The following CCDC91 variants were observed in gnomAD, a reference collection of about 807,000 sequenced individuals.
CCDC91 encodes the protein coiled-coil domain containing 91.
CCDC91 carries 48 observed loss-of-function variants against 63.2 expected under a neutral mutation model. That is an observed-to-expected ratio of 0.76 (90% confidence interval 0.60 to 0.97). CCDC91 has a LOEUF of 0.97. Ranked by LOEUF, CCDC91 falls within the 50% of genes least tolerant of loss-of-function variation. CCDC91 has a pLI of 0.00. For synonymous variants in CCDC91, 167 were observed against 165.8 expected, an observed-to-expected ratio of 1.01 and a Z score of -0.06; for missense variants, 500 against 494.6, an observed-to-expected ratio of 1.01 and a Z score of -0.10.
At chr12:28,346,720 A>G (rs1371270489) in intron 6 of CCDC91, among the ~76,000 whole-genome samples, 1 of 152,162 alleles carries the variant, frequency 6.6e-6, no homozygotes, top group Non-Finnish European at 1.5e-5. Context: ...CCCTCCAGGA[A>G]CCTTCATGTG....
At chr12:28,502,966 A>C (rs1035696270) in intron 12 of CCDC91, among the ~76,000 whole-genome samples, 32 of 151,824 alleles carry the variant, frequency 2.1e-4, no homozygotes, top group Non-Finnish European at 4.4e-4. Context: ...GTTAGACCTA[A>C]AACCATAAAA....
intron 6 of CCDC91, among the ~76,000 whole-genome samples, chr12:28,310,662 C>T (rs917585956): frequency 2.6e-5 from 4 of 151,984 alleles, no homozygotes; most frequent in African/African-American, 9.7e-5. Flanking sequence ...GTTTGTATGT[C>T]ACCATACCAT....
chr12:28,197,180 A>G (rs564479719), intron 1 of CCDC91, among the ~76,000 whole-genome samples: 4 of 151,764 alleles, frequency 2.6e-5, no homozygotes, highest in Non-Finnish European at 4.4e-5. Flanking sequence ...TAGGCTATTT[A>G]TTGTAAGAAA....
intron 7 of CCDC91, among the ~76,000 whole-genome samples, 188 bp downstream of exon 7, chr12:28,362,703 CTG>C (rs1943984235): frequency 6.6e-6 from 1 of 152,140 alleles, no homozygotes; most frequent in African/African-American, 2.4e-5. Flanking sequence ...ATATTAGACA[CTG>C]TTCTGAATTT....
At chr12:28,478,388 C>A (rs1414613290) in intron 11 of CCDC91, among the ~76,000 whole-genome samples, 1 of 152,108 alleles carries the variant, frequency 6.6e-6, no homozygotes, top group East Asian at 1.9e-4. Context: ...ACAAGTGGTG[C>A]TGGGAAAACT....
At chr12:28,510,005 A>G (rs1489489024) in intron 12 of CCDC91, among the ~76,000 whole-genome samples, 1 of 151,906 alleles carries the variant, frequency 6.6e-6, no homozygotes, top group Non-Finnish European at 1.5e-5. Flanking sequence ...TCTTGAGAGT[A>G]TGATTATCAG....
intron 1 of CCDC91, among the ~76,000 whole-genome samples, chr12:28,251,156 A>G (rs1472094801): frequency 2.0e-5 from 3 of 152,082 alleles, no homozygotes; most frequent in Non-Finnish European, 4.4e-5. Context: ...TCAGATGGAG[A>G]TTTAGTTGAA....
At chr12:28,203,132 A>C (rs1382009053) in intron 1 of CCDC91, among the ~76,000 whole-genome samples, 1 of 152,176 alleles carries the variant, frequency 6.6e-6, no homozygotes, top group South Asian at 2.1e-4. Flanking sequence ...TGAGCCTTCT[A>C]GTTTTCAAGG....
intron 6 of CCDC91, among the ~76,000 whole-genome samples, chr12:28,330,260 C>T (rs2881859): frequency 0.2 from 29,898 of 152,102 alleles, 3,594 homozygotes; most frequent in East Asian, 0.55. Flanking sequence ...CATTTCTCCA[C>T]ATCCTCTCCA....
At chr12:28,525,752 A>G (rs972720112) in intron 12 of CCDC91, among the ~76,000 whole-genome samples, 10 of 152,122 alleles carry the variant, frequency 6.6e-5, no homozygotes, top group African/African-American at 2.2e-4. Flanking sequence ...TCTTAGGTCT[A>G]TTAGTAATTG....
At chr12:28,334,750 C>A (rs1480066233) in intron 6 of CCDC91, among the ~76,000 whole-genome samples, 1 of 152,080 alleles carries the variant, frequency 6.6e-6, no homozygotes, top group Admixed American at 6.6e-5. Flanking sequence ...TATACATTTA[C>A]CTTACAGGAA....
intron 1 of CCDC91, among the ~76,000 whole-genome samples, chr12:28,253,284 C>T (rs1170179520): frequency 8.5e-5 from 13 of 152,106 alleles, no homozygotes; most frequent in African/African-American, 2.9e-4. Flanking sequence ...GTTTTGGTTG[C>T]TGAGTAGTGA....
At chr12:28,376,558 G>T (rs968405263) in intron 7 of CCDC91, among the ~76,000 whole-genome samples, 1 of 151,594 alleles carries the variant, frequency 6.6e-6, no homozygotes, top group Non-Finnish European at 1.5e-5. Context: ...GTGCAGGATT[G>T]GTATAATAGC....
chr12:28,461,811 A>G (rs1418136986), intron 11 of CCDC91, among the ~76,000 whole-genome samples: 2 of 152,066 alleles, frequency 1.3e-5, no homozygotes, highest in African/African-American at 4.8e-5. Context: ...AATTCATTTC[A>G]TTTACTTAGC....
At chr12:28,357,706 G>T (rs1309055646) in intron 6 of CCDC91, among the ~76,000 whole-genome samples, 1 of 152,018 alleles carries the variant, frequency 6.6e-6, no homozygotes. Context: ...TTATTTTAGT[G>T]ACCTTGAACA....
intron 1 of CCDC91, among the ~76,000 whole-genome samples, chr12:28,221,037 T>A (rs1943904978): frequency 6.6e-6 from 1 of 152,128 alleles, no homozygotes. Context: ...GTATCTTCCC[T>A]TTTTGGGGGC....
At chr12:28,419,714 A>G (rs1947887615) in intron 8 of CCDC91, among the ~76,000 whole-genome samples, 1 of 151,894 alleles carries the variant, frequency 6.6e-6, no homozygotes, top group Admixed American at 6.6e-5. Context: ...GCCAAGTAAT[A>G]CAGTTGGTCT....
intron 12 of CCDC91, among the ~76,000 whole-genome samples, chr12:28,507,430 C>T (rs1938866572): frequency 6.6e-6 from 1 of 151,940 alleles, no homozygotes; most frequent in Non-Finnish European, 1.5e-5. Flanking sequence ...TTGTTACAAT[C>T]AAAACAGCTG....
At chr12:28,215,903 G>C (rs1327237706) in intron 1 of CCDC91, among the ~76,000 whole-genome samples, 1 of 152,046 alleles carries the variant, frequency 6.6e-6, no homozygotes, top group African/African-American at 2.4e-5. Context: ...CGTTTTCCCT[G>C]TTGAGGGCTA....
Sources: allele counts gnomAD v4.1 joint callset (sites outside exome capture counted in the v4.1 genomes callset), GRCh38; gene constraint gnomAD v4.1.1; transcripts MANE v1.5; gene names NCBI Gene and HGNC (gene_info 2026-07-23, HGNC 2026-07-21).